LRRC34: variants seen among roughly 807,000 people sequenced by gnomAD.
LRRC34 encodes leucine-rich repeat-containing protein 34.
A neutral mutation model predicts 48.5 loss-of-function variants in LRRC34; 44 were observed. That is an observed-to-expected ratio of 0.91 (90% CI 0.71 to 1.17). The LOEUF is 1.17. Among genes scored for constraint, LRRC34 ranks in the 50% most tolerant of loss-of-function variants. The pLI, the probability that LRRC34 is intolerant of heterozygous loss-of-function variation, is 0.00. For synonymous variants in LRRC34, 192 were observed against 197.6 expected, an observed-to-expected ratio of 0.97 and a Z score of 0.24; for missense variants, 502 against 563.0, an observed-to-expected ratio of 0.89 and a Z score of 1.10.
In LRRC34 at chr3:169,812,139, CA is replaced by C. The variant is rs1779601198; in HGVS notation, c.139+270del. On this transcript the variant is annotated intron_variant, in intron 1 of 10. Transcript: ENST00000446859. This position sits in a 1 kb window ranked among gnomAD's most constrained non-coding sequence, Gnocchi z 4.3. The stretch of plus-strand genomic sequence containing the variant: ...AGCACGGCGACAGACACCATCTGCA[CA>C]ACCTATCGCGCAAAGGGCGGACCCA... 6.6e-6 allele frequency among the ~76,000 whole-genome samples: 1 copy of C among 151,452 alleles called. No individual in the cohort carries two copies. Among genetic ancestry groups the C allele is most frequent in the Non-Finnish European group, 1.5e-5 (1 of 67,822 alleles).
rs1010917597 is a variant in LRRC34 at position 169,793,386 on chromosome 3, TTAGTC to T, written c.*244_*248del. 1.5e-5 allele frequency: 5 copies of T among 326,448 alleles called. No individual in the cohort carries two copies. The highest frequency in any genetic ancestry group is 8.1e-5 in the South Asian group (1 of 12,370). 20.2% of individuals were successfully genotyped at this position (326,448 alleles called of 1,614,324 possible). On this transcript the variant is annotated 3_prime_UTR_variant, in exon 11 of 11. Coordinates refer to ENST00000446859, the MANE Select transcript of LRRC34 (RefSeq NM_001172779.2). ...TTATATTTTCATTATAAAAAGAAAT[TTAGTC>T]TAGTTCCTTGGTCTCTTTCTCCAGG...
intron 1 of LRRC34, among the ~76,000 whole-genome samples, chr3:169,811,055 G>A (rs1386837162): frequency 5.9e-5 from 9 of 152,208 alleles, no homozygotes; most frequent in Non-Finnish European, 1.3e-4. Context: ...CTGGGCGACA[G>A]AGGAGACTCC....
At chr3:169,795,785 GTACT>G in intron 9 of LRRC34, 174 bp from the exon 10 acceptor site, 1 of 1,304,706 alleles carries the variant, frequency 7.7e-7, no homozygotes, top group Non-Finnish European at 9.7e-7. Flanking sequence ...GATCCTTAAG[GTACT>G]TAGTAGAGCT....
At chr3:169,801,313 A>G (rs1017681963) in intron 6 of LRRC34, among the ~76,000 whole-genome samples, 2 of 151,902 alleles carry the variant, frequency 1.3e-5, no homozygotes, top group African/African-American at 4.8e-5. Context: ...TTACCTTCCC[A>G]TCCAGTTGAT....
chr3:169,807,888 T>C, intron 2 of LRRC34, 179 bp from the exon 3 acceptor site: 1 of 703,148 alleles, frequency 1.4e-6, no homozygotes, highest in Non-Finnish European at 2.2e-6. Flanking sequence ...TTAAAACTAC[T>C]GAACATTCTG....
chr3:169,806,960 T>C (rs1195062247), intron 4 of LRRC34, 29 bp from the exon 5 acceptor site: 1 of 1,380,364 alleles, frequency 7.2e-7, no homozygotes, highest in South Asian at 1.2e-5. Flanking sequence ...TATTACACAT[T>C]ATTATTATTG....
intron 4 of LRRC34, 31 bp downstream of exon 4, chr3:169,807,395 G>C: frequency 6.3e-7 from 1 of 1,587,520 alleles, no homozygotes. Context: ...ATTGTAAATG[G>C]AACTAAGGAC....
At chr3:169,794,025 C>G (rs1778893889) in intron 10 of LRRC34, 187 bp from the exon 11 acceptor site, 2 of 495,960 alleles carry the variant, frequency 4.0e-6, no homozygotes, top group East Asian at 6.5e-5. Flanking sequence ...TTTAATTACA[C>G]AGAATGAAAT....
chr3:169,795,312 T>G (rs897712280), intron 10 of LRRC34, 173 bp downstream of exon 10: 14 of 501,364 alleles, frequency 2.8e-5, no homozygotes, highest in Non-Finnish European at 3.3e-5. Context: ...TTTAATATCT[T>G]TGGTTATTTG....
chr3:169,802,469 A>G (rs1779227840), intron 6 of LRRC34, among the ~76,000 whole-genome samples: 1 of 152,120 alleles, frequency 6.6e-6, no homozygotes, highest in Non-Finnish European at 1.5e-5. Flanking sequence ...TCTCCCCATT[A>G]TCAGAGTACT....
rs1779292422 is a variant in LRRC34, at chr3:169,804,157, T to C, written c.553A>G (p.Arg185Gly). 2 of 1,599,854 alleles carry C rather than the reference T, an allele frequency of 1.3e-6. No individual in the cohort carries two copies. The highest frequency in any genetic ancestry group is 1.7e-6 in the Non-Finnish European group (2 of 1,173,016). Residue 185 changes from arginine to glycine, a missense_variant, in exon 6 of 11, where the codon AGA becomes GGA. Coordinates refer to ENST00000446859, the MANE Select transcript of LRRC34 (RefSeq NM_001172779.2). ...LHKNRTLKYL[R>G]MTGNKIENKG... is the part of the protein sequence containing the mutation. ...TTTTCAATTTTGTTTCCAGTCATTCTTAGGTATTTCAGAGTCCGATTCTTC... is the reference window on the plus strand; with the variant it reads ...TTTTCAATTTTGTTTCCAGTCATTCCTAGGTATTTCAGAGTCCGATTCTTC...
In LRRC34 at chr3:169,796,383, A is replaced by C; in HGVS notation, c.909-14T>G. ...GTTATTTTGTTGCTGGCAAAGGAAAAATAGTTATATTTGAAAATATGAAAT... is the reference window on the plus strand; with the variant it reads ...GTTATTTTGTTGCTGGCAAAGGAAACATAGTTATATTTGAAAATATGAAAT... On this transcript the variant is annotated splice_polypyrimidine_tract_variant and intron_variant, in intron 8 of 10. Transcript: ENST00000446859. The C allele has an allele frequency of 1.9e-6, 3 of 1,591,430 alleles. No individual in the cohort carries two copies. The South Asian group carries it at 3.5e-5, about 19-fold the overall frequency.
chr3:169,796,685 T>TTTA, intron 8 of LRRC34, 60 bp downstream of exon 8: 3 of 1,479,054 alleles, frequency 2.0e-6, no homozygotes, highest in Non-Finnish European at 2.7e-6. Flanking sequence ...ACCATGAATA[T>TTTA]TTATATAGAT....
intron 5 of LRRC34, among the ~76,000 whole-genome samples, chr3:169,806,439 T>C (rs998118482): frequency 6.6e-6 from 1 of 152,048 alleles, no homozygotes. Flanking sequence ...GGCAAATACA[T>C]AGAGAGACGA....
intron 7 of LRRC34, among the ~76,000 whole-genome samples, chr3:169,797,676 CAG>C: frequency 6.6e-6 from 1 of 152,240 alleles, no homozygotes; most frequent in South Asian, 2.1e-4. Flanking sequence ...ATGATGAACA[CAG>C]ATAACTATAT....
At position 169,812,856 on chromosome 3, in the gene LRRC34, C is replaced by T; in HGVS notation, c.-308G>A. On this transcript the variant is annotated 5_prime_UTR_variant, in exon 1 of 11. Transcript: ENST00000446859. The surrounding 1 kb of genome is among the most constrained non-coding windows in gnomAD (Gnocchi z 4.3). Reference sequence around the variant, plus strand: ...CCCGCTCCTACAAAGTGTGCACCGGCCTGCCGGGCCAGCGAAGAAGCAGAG... The same window carrying T: ...CCCGCTCCTACAAAGTGTGCACCGGTCTGCCGGGCCAGCGAAGAAGCAGAG... The T allele has an allele frequency of 2.8e-6, 1 of 360,612 alleles. No individual in the cohort carries two copies. The highest frequency in any genetic ancestry group is 5.0e-6 in the Non-Finnish European group (1 of 199,790). 22.3% of individuals were successfully genotyped at this position (360,612 alleles called of 1,614,324 possible).
chr3:169,810,831 G>A (rs573290835), intron 1 of LRRC34, among the ~76,000 whole-genome samples: 12 of 152,334 alleles, frequency 7.9e-5, no homozygotes, highest in African/African-American at 1.2e-4. Flanking sequence ...TTGGGAGGCC[G>A]AGGCGAGCGG....
At chr3:169,801,268 G>A (rs1366312207) in intron 6 of LRRC34, among the ~76,000 whole-genome samples, 1 of 152,080 alleles carries the variant, frequency 6.6e-6, no homozygotes, top group African/African-American at 2.4e-5. Context: ...TGGTATGCCG[G>A]AAACCATGGG....
chr3:169,804,382 A>C (rs1028088203), intron 5 of LRRC34, among the ~76,000 whole-genome samples: 1 of 151,728 alleles, frequency 6.6e-6, no homozygotes, highest in Non-Finnish European at 1.5e-5. Context: ...TGCAAACTCC[A>C]CCTCCTGGGT....
Sources: allele counts gnomAD v4.1 joint callset (sites outside exome capture counted in the v4.1 genomes callset), GRCh38; gene constraint gnomAD v4.1.1; non-coding constraint Gnocchi (gnomAD v3.1); transcripts MANE v1.5; gene names NCBI Gene and HGNC (gene_info 2026-07-23, HGNC 2026-07-21).